The following SEMA3A variants were observed in gnomAD, a reference collection of about 807,000 sequenced individuals.
The protein encoded by SEMA3A is semaphorin-3A.
SEMA3A carries 29 observed loss-of-function variants against 97.9 expected under a neutral mutation model. The observed-to-expected ratio is 0.30, with a 90% confidence interval of 0.22 to 0.40. SEMA3A has a LOEUF of 0.40. Among genes scored for constraint, SEMA3A ranks in the 10% least tolerant of loss-of-function variants. The pLI, the probability that SEMA3A is intolerant of heterozygous loss-of-function variation, is 1.00. For synonymous variants in SEMA3A, 321 were observed against 323.7 expected (o/e 0.99, Z 0.09); for missense variants, 763 against 951.3 (o/e 0.80, Z 2.60).
intron 14 of SEMA3A, among the ~76,000 whole-genome samples, chr7:83,977,967 C>G (rs923429601): frequency 2.1e-4 from 32 of 151,884 alleles, no homozygotes; most frequent in African/African-American, 6.5e-4. Context: ...CCATGCCCAG[C>G]TAATTTTTTG....
At chr7:84,195,024 A>AAAG (rs1798180800), upstream of SEMA3A, 1 of 140,566 alleles carries the variant, frequency 7.1e-6, no homozygotes, top group Admixed American at 7.1e-5. Context: ...GAGAGAGAGA[A>AAAG]AGAGAGAGAG....
At chr7:84,383,817 T>C (rs1803329388) in intron 1 of SEMA3A, among the ~76,000 whole-genome samples, 1 of 152,196 alleles carries the variant, frequency 6.6e-6, no homozygotes, top group Admixed American at 6.5e-5. Context: ...AATGAGAAAT[T>C]TGGAGAGAAA....
At chr7:84,405,886 C>T (rs1476222765) in intron 1 of SEMA3A, among the ~76,000 whole-genome samples, 2 of 152,110 alleles carry the variant, frequency 1.3e-5, no homozygotes, top group Admixed American at 6.6e-5. Context: ...ATCTCTGGGA[C>T]ACATTCAAAG....
intron 1 of SEMA3A, among the ~76,000 whole-genome samples, chr7:84,390,166 T>G (rs544350353): frequency 6.6e-6 from 1 of 152,138 alleles, no homozygotes; most frequent in Non-Finnish European, 1.5e-5. Context: ...GATTGTGTTT[T>G]GGGACACTTT....
At chr7:84,028,739 G>T (rs2116458485) in intron 6 of SEMA3A, among the ~76,000 whole-genome samples, 1 of 152,094 alleles carries the variant, frequency 6.6e-6, no homozygotes, top group East Asian at 1.9e-4. Context: ...CGAGTAGCTG[G>T]GACTACAGGC....
intron 1 of SEMA3A, among the ~76,000 whole-genome samples, chr7:84,399,328 G>A (rs543417068): frequency 6.6e-5 from 10 of 152,282 alleles, no homozygotes; most frequent in Admixed American, 2.6e-4. Context: ...GTGACCTTGA[G>A]CCTTGAATAA....
upstream of SEMA3A, chr7:84,195,010 G>GAA (rs1798177178): frequency 1.6e-5 from 2 of 126,272 alleles, no homozygotes; most frequent in Admixed American, 7.9e-5. Flanking sequence ...GAAACAGAGA[G>GAA]AGAGAGAGAG....
In SEMA3A at chr7:84,287,565, T is replaced by C. The variant is rs549566040; in HGVS notation, c.-83+19642A>G. The stretch of plus-strand genomic sequence containing the variant: ...AAATTTTCACTTTACTAAATTTCCA[T>C]ATCACTTCATTCAATTTGTTTAATT... On this transcript the variant is annotated intron_variant, in intron 3 of 3. Coordinates refer to the SEMA3A transcript ENST00000424555. Among the ~76,000 whole-genome samples the C allele has an allele frequency of 1.6e-4, 24 of 152,322 alleles. No homozygotes were observed. In the East Asian group the frequency reaches 4.2e-3, roughly 27 times the overall value.
At chr7:84,129,957 G>A (rs1795914949) in intron 2 of SEMA3A, among the ~76,000 whole-genome samples, 1 of 152,030 alleles carries the variant, frequency 6.6e-6, no homozygotes. Context: ...GATGAACTAT[G>A]ATGTTAATGG....
At chr7:84,013,314 A>G (rs892859631) in intron 7 of SEMA3A, among the ~76,000 whole-genome samples, 1 of 152,216 alleles carries the variant, frequency 6.6e-6, no homozygotes, top group African/African-American at 2.4e-5. Flanking sequence ...ATAAGTGTTT[A>G]TTGAACAATT....
At chr7:84,008,644 A>G (rs1790764464) in intron 9 of SEMA3A, among the ~76,000 whole-genome samples, 1 of 152,220 alleles carries the variant, frequency 6.6e-6, no homozygotes, top group Non-Finnish European at 1.5e-5. Flanking sequence ...CCCCTTGAAA[A>G]TTACATATAA....
intron 3 of SEMA3A, among the ~76,000 whole-genome samples, chr7:84,303,303 G>A (rs987923769): frequency 6.6e-6 from 1 of 152,108 alleles, no homozygotes; most frequent in African/African-American, 2.4e-5. Context: ...TACTAAAACT[G>A]AGTGTGAACT....
chr7:84,119,109 C>T (rs1795522478), intron 3 of SEMA3A, among the ~76,000 whole-genome samples: 1 of 151,990 alleles, frequency 6.6e-6, no homozygotes, highest in African/African-American at 2.4e-5. Flanking sequence ...TTTTTAAGTG[C>T]ATATTAAATT....
intron 4 of SEMA3A, among the ~76,000 whole-genome samples, chr7:84,093,499 C>T (rs188612164): frequency 8.6e-5 from 13 of 151,858 alleles, no homozygotes; most frequent in Non-Finnish European, 1.2e-4. Flanking sequence ...GATCTATCAA[C>T]GCAACAAAAG....
chr7:84,391,324 A>C (rs376046932), intron 1 of SEMA3A, among the ~76,000 whole-genome samples: 6 of 152,166 alleles, frequency 3.9e-5, no homozygotes, highest in Non-Finnish European at 7.3e-5. Flanking sequence ...AGGGAAATAC[A>C]CTAGCAACAA....
Position 84,005,392 on chromosome 7 carries a change from A to G in SEMA3A, c.1307T>C (p.Val436Ala). 1 of 1,613,922 alleles carries G rather than the reference A, an allele frequency of 6.2e-7. No homozygotes were observed. Among genetic ancestry groups the G allele is most frequent in the East Asian group, 2.2e-5 (1 of 44,840 alleles). Reference protein sequence around the residue: ...DVNYQFTQIVVDRVDAEDGQY... With the variant: ...DVNYQFTQIVADRVDAEDGQY... ...TCCATCTTCTGCATCCACTCGGTCT[A>G]CGACAATTTGTGTAAATTGATAATT... Residue 436 changes from valine (V) to alanine (A), a missense_variant, in exon 11 of 17, where the codon GTA becomes GCA. Physicochemically the swap from Val to Ala is moderately conservative, Grantham distance 64. Coordinates refer to ENST00000265362, the MANE Select transcript of SEMA3A (RefSeq NM_006080.3).
At chr7:84,434,113 AT>A (rs2116325362) in intron 1 of SEMA3A, among the ~76,000 whole-genome samples, 1 of 152,228 alleles carries the variant, frequency 6.6e-6, no homozygotes, top group African/African-American at 2.4e-5. Flanking sequence ...AATAGTAGTC[AT>A]TCTGACTACT....
chr7:84,074,676 T>C (rs370306542), intron 4 of SEMA3A, among the ~76,000 whole-genome samples: 7 of 152,052 alleles, frequency 4.6e-5, no homozygotes, highest in African/African-American at 1.4e-4. Context: ...AACTTCTTTA[T>C]ATAAATTAAT....
chr7:84,078,224 C>G (rs1325333162), intron 4 of SEMA3A, among the ~76,000 whole-genome samples: 1 of 151,948 alleles, frequency 6.6e-6, no homozygotes, highest in Non-Finnish European at 1.5e-5. Context: ...CTTAAACTGA[C>G]AGTGCATGGA....
Sources: gnomAD v4.1 joint callset for allele counts (sites outside exome capture counted in the v4.1 genomes callset) on GRCh38, gnomAD v4.1.1 for gene constraint, MANE v1.5 for transcripts, NCBI Gene and HGNC (gene_info 2026-07-23, HGNC 2026-07-21) for gene names.